The following HFM1 variants were observed in gnomAD, a reference collection of about 807,000 sequenced individuals.
HFM1 encodes helicase for meiosis 1.
A neutral mutation model predicts 192.1 loss-of-function variants in HFM1; 169 were observed. The ratio of observed to expected loss-of-function variants is 0.88; its 90% CI spans 0.78 to 1.00. HFM1 has a LOEUF of 1.00. HFM1 is among the 50% of genes least tolerant of loss of function. The pLI is 0.00. For synonymous variants in HFM1, 525 were observed against 537.8 expected (o/e 0.98, Z 0.33); for missense variants, 1,661 against 1,668.0 (o/e 1.00, Z 0.07).
intron 17 of HFM1, among the ~76,000 whole-genome samples, chr1:91,351,305 A>G (rs1333657692): frequency 4.6e-5 from 7 of 151,922 alleles, no homozygotes; most frequent in Admixed American, 4.6e-4. Context: ...TTTATTACAA[A>G]TTAGGGTTTG....
chr1:91,384,082 T>C (rs1661886311), intron 6 of HFM1, among the ~76,000 whole-genome samples: 1 of 152,220 alleles, frequency 6.6e-6, no homozygotes, highest in African/African-American at 2.4e-5. Flanking sequence ...ATTACTTCTT[T>C]AATCATATCT....
intron 20 of HFM1, chr1:91,328,612 G>A (rs1028035271): frequency 1.6e-5 from 25 of 1,598,876 alleles, no homozygotes; most frequent in African/African-American, 1.1e-4. Context: ...GATGGAGAAC[G>A]GCATCAAGCC....
At chr1:91,403,466 A>C (rs371323717) in intron 1 of HFM1, among the ~76,000 whole-genome samples, 21 of 152,276 alleles carry the variant, frequency 1.4e-4, no homozygotes, top group Admixed American at 8.5e-4. Flanking sequence ...TCATTATGTA[A>C]ATCTTTTTTT....
intron 20 of HFM1, among the ~76,000 whole-genome samples, chr1:91,326,847 A>G (rs940531522): frequency 6.6e-6 from 1 of 152,228 alleles, no homozygotes; most frequent in Non-Finnish European, 1.5e-5. Flanking sequence ...GGAAACAAGA[A>G]AAAGGTAAAA....
At chr1:91,301,249 G>C (rs1413660212) in intron 30 of HFM1, among the ~76,000 whole-genome samples, 1 of 150,714 alleles carries the variant, frequency 6.6e-6, no homozygotes, top group East Asian at 2.0e-4. Flanking sequence ...CCTCTTCAAG[G>C]AGAACTACAA....
Position 91,266,064 on chromosome 1 carries a change from TA to T in HFM1, c.3926del (p.Leu1309HisfsTer42). 1 of 1,584,848 alleles carries T rather than the reference TA, an allele frequency of 6.3e-7. No homozygotes were observed. Among genetic ancestry groups the T allele is most frequent in the Non-Finnish European group, 8.5e-7 (1 of 1,170,706 alleles). On this transcript the variant is annotated frameshift_variant, in exon 36 of 39. Transcript: ENST00000370425. LOFTEE classifies it high-confidence loss of function. Reference sequence around the variant, plus strand: ...ATTTGCTCTTTGACTCTTGAAGGGGTAGCTTACTTCCCCTGGTACTTGAACT... The same window carrying T: ...ATTTGCTCTTTGACTCTTGAAGGGGTGCTTACTTCCCCTGGTACTTGAACT... Reference protein sequence around the residue: ...TLSSSTRGSKLPLQESKSKFQ... With the variant: ...TLSSSTRGSKXPLQESKSKFQ...
intron 13 of HFM1, among the ~76,000 whole-genome samples, chr1:91,362,451 A>C (rs1389712437): frequency 6.6e-6 from 1 of 152,192 alleles, no homozygotes; most frequent in Non-Finnish European, 1.5e-5. Flanking sequence ...CAATTGCTAC[A>C]AAAAGAATAA....
rs1461654075 is a variant in HFM1 at position 91,292,640 on chromosome 1, C to T, written c.3392-15578G>A. On this transcript the variant is annotated intron_variant, in intron 30 of 38. Coordinates refer to ENST00000370425, the MANE Select transcript of HFM1 (RefSeq NM_001017975.6). ...TGGCCATACTGCCCAAGGTAATTTA[C>T]AGATTCAATGCCATCCCCATCAAGC... Among the ~76,000 whole-genome samples, 11 of 151,862 alleles carry T rather than the reference C, an allele frequency of 7.2e-5. No homozygotes were observed. In the East Asian group the frequency reaches 1.5e-3, roughly 21 times the overall value.
rs951527754 is a variant in HFM1, at chr1:91,317,878, A to AT, written c.2812+1199dup. 2.3e-4 allele frequency among the ~76,000 whole-genome samples: 34 copies of AT among 147,860 alleles called. 1 individual carries two copies. The South Asian group carries it at 3.6e-3, about 16-fold the overall frequency. On this transcript the variant is annotated intron_variant, in intron 25 of 38. Transcript: ENST00000370425. ...GTTTAGATTCTCTCACTTTTATATG[A>AT]TTTTTTTTTTCTGGGCAATATTTGC... is the stretch of plus-strand genomic sequence containing the variant.
chr1:91,386,228 G>A (rs1662204602), intron 4 of HFM1, among the ~76,000 whole-genome samples: 1 of 152,168 alleles, frequency 6.6e-6, no homozygotes, highest in Admixed American at 6.5e-5. Context: ...TGGTCTCTTA[G>A]ATCTCTCACT....
intron 13 of HFM1, among the ~76,000 whole-genome samples, chr1:91,373,126 A>G (rs1365725867): frequency 7.3e-6 from 1 of 136,632 alleles, no homozygotes; most frequent in Non-Finnish European, 1.6e-5. Flanking sequence ...GACTATCTTT[A>G]TAGTCTACCT....
intron 30 of HFM1, among the ~76,000 whole-genome samples, chr1:91,293,883 G>A (rs1379303179): frequency 6.6e-6 from 1 of 150,956 alleles, no homozygotes; most frequent in Non-Finnish European, 1.5e-5. Flanking sequence ...AAAATGATGA[G>A]TTCATGTCCT....
chr1:91,321,444 AAAAT>A (rs71975323), intron 23 of HFM1, among the ~76,000 whole-genome samples: 150,875 of 151,070 alleles, frequency 1, 75,340 homozygotes, highest in South Asian at 1. Flanking sequence ...ACTCTGTCTC[AAAAT>A]AAATAAATAA....
At chr1:91,393,884 T>G (rs1412297165) in intron 4 of HFM1, among the ~76,000 whole-genome samples, 1 of 152,128 alleles carries the variant, frequency 6.6e-6, no homozygotes, top group Non-Finnish European at 1.5e-5. Flanking sequence ...GTGGTACCAT[T>G]TATAGTAGAT....
chr1:91,267,504 T>C (rs1048081327), intron 35 of HFM1, among the ~76,000 whole-genome samples: 1 of 152,112 alleles, frequency 6.6e-6, no homozygotes, highest in African/African-American at 2.4e-5. Context: ...AGCAATAGAA[T>C]AGAAAGTGCT....
intron 2 of HFM1, among the ~76,000 whole-genome samples, chr1:91,397,045 C>G (rs981081179): frequency 1.3e-5 from 2 of 152,206 alleles, no homozygotes; most frequent in Admixed American, 6.5e-5. Flanking sequence ...TAACTAATGT[C>G]TGATGATCTG....
intron 30 of HFM1, among the ~76,000 whole-genome samples, chr1:91,297,087 C>T (rs1647732039): frequency 6.6e-6 from 1 of 152,166 alleles, no homozygotes; most frequent in African/African-American, 2.4e-5. Context: ...CGGGTCACTC[C>T]CACCCTAATA....
Position 91,294,014 on chromosome 1 carries a change from A to G in HFM1, c.3392-16952T>C, listed in dbSNP as rs967735547. Among the ~76,000 whole-genome samples, 1,340 of 142,598 alleles carry G rather than the reference A, an allele frequency of 9.4e-3. 12 individuals are homozygous for G. The highest frequency in any genetic ancestry group is 0.017 in the South Asian group (73 of 4,302). 93.5% of individuals were successfully genotyped at this position (142,598 alleles called of 152,430 possible). On this transcript the variant is annotated intron_variant, in intron 30 of 38. Transcript: ENST00000370425. ...AAATGAACAATGAGAACACATGGAC[A>G]CAGGAAGGGGAACATCACACTCTGG...
chr1:91,349,692 CAT>C (rs1656669450), intron 18 of HFM1, among the ~76,000 whole-genome samples: 1 of 152,170 alleles, frequency 6.6e-6, no homozygotes, highest in South Asian at 2.1e-4. Flanking sequence ...CCCTAGCTGA[CAT>C]ATGTTGCAAT....
Sources: gnomAD v4.1 joint callset for allele counts (sites outside exome capture counted in the v4.1 genomes callset) on GRCh38, gnomAD v4.1.1 for gene constraint, MANE v1.5 for transcripts, NCBI Gene and HGNC (gene_info 2026-07-23, HGNC 2026-07-21) for gene names.